The following LIN52 variants were observed in gnomAD, a reference collection of about 807,000 sequenced individuals.
The protein encoded by LIN52 is protein lin-52 homolog.
LIN52 carries 4 observed loss-of-function variants against 18.5 expected under a neutral mutation model. That is an observed-to-expected ratio of 0.22 (90% CI 0.11 to 0.49). The LOEUF is 0.49. LIN52 is among the 20% of genes least tolerant of loss of function. The probability of loss-of-function intolerance (pLI) is 0.97; values close to 1 mark genes in which losing one functional copy is unlikely to be tolerated. For synonymous variants in LIN52, 34 were observed against 45.5 expected (o/e 0.75, Z 1.02); for missense variants, 102 against 139.5 (o/e 0.73, Z 1.35).
intron 5 of LIN52, among the ~76,000 whole-genome samples, chr14:74,162,484 A>C (rs1468902421): frequency 3.3e-5 from 5 of 151,154 alleles, no homozygotes; most frequent in African/African-American, 1.2e-4. Context: ...ACAAAAAAAA[A>C]AAAAAAAAAA....
intron 5 of LIN52, among the ~76,000 whole-genome samples, chr14:74,127,138 G>A (rs1191994430): frequency 6.6e-6 from 1 of 152,160 alleles, no homozygotes; most frequent in Non-Finnish European, 1.5e-5. Flanking sequence ...AGAGTACTAT[G>A]CTAGGCAGCA....
rs1566867484 is a variant in LIN52 at position 74,175,746 on chromosome 14, A to ACCC, written c.284-23175_284-23174insCCC. Among the ~76,000 whole-genome samples the ACCC allele has an allele frequency of 1.3e-3, 135 of 101,144 alleles. 1 individual carries two copies. Among genetic ancestry groups the ACCC allele is most frequent in the Admixed American group, 2.4e-3 (23 of 9,632 alleles). The allele number at this position is 101,144 out of a possible 152,430, so 66.4% of individuals were successfully genotyped here. ...CACACACACACACACACACACACAC[A>ACCC]CACACCCCCATTATACAGCTATACC... On this transcript the variant is annotated intron_variant, in intron 5 of 5. Coordinates refer to ENST00000555028, the MANE Select transcript of LIN52 (RefSeq NM_001024674.3).
intron 5 of LIN52, among the ~76,000 whole-genome samples, chr14:74,178,774 C>A (rs974801359): frequency 6.6e-6 from 1 of 151,642 alleles, no homozygotes; most frequent in Non-Finnish European, 1.5e-5. Flanking sequence ...TTTTGTAGTT[C>A]TTCTACCTTC....
At chr14:74,122,002 T>C (rs1370250230) in intron 5 of LIN52, among the ~76,000 whole-genome samples, 2 of 140,288 alleles carry the variant, frequency 1.4e-5, no homozygotes, top group Non-Finnish European at 3.0e-5. Flanking sequence ...GTAACAATAT[T>C]CTCATATTCC....
intron 5 of LIN52, among the ~76,000 whole-genome samples, chr14:74,193,678 G>C (rs375400648): frequency 9.2e-5 from 14 of 152,290 alleles, no homozygotes; most frequent in African/African-American, 3.1e-4. Context: ...TTGAATGCCT[G>C]TGTGACTTTG....
intron 5 of LIN52, among the ~76,000 whole-genome samples, chr14:74,105,623 T>C (rs535418548): frequency 1.1e-4 from 17 of 152,056 alleles, no homozygotes; most frequent in Admixed American, 2.0e-4. Context: ...ACTCTAGGGG[T>C]TGGCTTTTAC....
In LIN52 at chr14:74,105,609, A is replaced by ATCTAC. The variant is rs756271721; in HGVS notation, c.283+4376_283+4380dup. Among the ~76,000 whole-genome samples the ATCTAC allele has an allele frequency of 8.6e-5, 13 of 150,546 alleles. No individual in the cohort carries two copies. In the East Asian group the frequency reaches 2.3e-3, roughly 27 times the overall value. On this transcript the variant is annotated intron_variant, in intron 5 of 5. Coordinates refer to ENST00000555028, the MANE Select transcript of LIN52 (RefSeq NM_001024674.3). Reference sequence around the variant, plus strand: ...TTTTTTTTGTCCTTACAGATTATTCATCTACTCTAGGGGTTGGCTTTTACT... The same window carrying ATCTAC: ...TTTTTTTTGTCCTTACAGATTATTCATCTACTCTACTCTAGGGGTTGGCTTTTACT...
intron 5 of LIN52, among the ~76,000 whole-genome samples, chr14:74,165,894 A>AT (rs200429693): frequency 0.04 from 5,711 of 141,654 alleles, 353 homozygotes; most frequent in African/African-American, 0.13. Flanking sequence ...TATTTCACCA[A>AT]TTTTTTTTTT....
intron 5 of LIN52, among the ~76,000 whole-genome samples, chr14:74,108,915 A>C (rs147087888): frequency 9.2e-4 from 140 of 152,246 alleles, no homozygotes; most frequent in African/African-American, 3.2e-3. Flanking sequence ...TTTTGATGAA[A>C]TCCAATTTAT....
intron 5 of LIN52, among the ~76,000 whole-genome samples, chr14:74,190,117 TATAAA>T (rs1440299312): frequency 6.6e-6 from 1 of 152,068 alleles, no homozygotes; most frequent in Non-Finnish European, 1.5e-5. Context: ...AAATTAAAGT[TATAAA>T]GTAAAATAAA....
chr14:74,111,408 C>A (rs4365231), intron 5 of LIN52, among the ~76,000 whole-genome samples: 16,873 of 151,716 alleles, frequency 0.11, 1,233 homozygotes, highest in Admixed American at 0.19. Context: ...CCCAGCCCAG[C>A]CTCTCGAGTA....
At chr14:74,093,787 G>A (rs915150992) in intron 2 of LIN52, among the ~76,000 whole-genome samples, 1 of 152,146 alleles carries the variant, frequency 6.6e-6, no homozygotes, top group African/African-American at 2.4e-5. Context: ...CTAACATGGC[G>A]AAACCCCGTT....
At chr14:74,161,830 C>A (rs117790708) in intron 5 of LIN52, among the ~76,000 whole-genome samples, 2 of 152,224 alleles carry the variant, frequency 1.3e-5, no homozygotes, top group Non-Finnish European at 2.9e-5. Flanking sequence ...ACCTGCTTGT[C>A]GCTGCACAGA....
intron 5 of LIN52, among the ~76,000 whole-genome samples, chr14:74,129,359 A>C (rs986919472): frequency 3.3e-5 from 5 of 152,198 alleles, no homozygotes; most frequent in Non-Finnish European, 7.3e-5. Context: ...TGAATCAAAT[A>C]TAAGTAAGGT....
At chr14:74,102,002 T>C (rs1242514754) in intron 5 of LIN52, among the ~76,000 whole-genome samples, 1 of 152,050 alleles carries the variant, frequency 6.6e-6, no homozygotes. Context: ...CTTGAACTCT[T>C]GGGTTTAAGT....
chr14:74,154,841 G>T (rs563089086), intron 5 of LIN52, among the ~76,000 whole-genome samples: 1 of 152,080 alleles, frequency 6.6e-6, no homozygotes, highest in African/African-American at 2.4e-5. Context: ...TTTGTGTTCC[G>T]GCCTGGTGTT....
At chr14:74,166,807 T>C (rs980113694) in intron 5 of LIN52, among the ~76,000 whole-genome samples, 2 of 152,196 alleles carry the variant, frequency 1.3e-5, no homozygotes, top group African/African-American at 4.8e-5. Context: ...CTATGCCAAT[T>C]TTCATTATTA....
chr14:74,091,305 A>G lies in LIN52; in HGVS notation c.93A>G (p.Gln31=). ...CCTCACCAGATCTTTGGCCAGAACAATGTAAGTTTTTGCCTTCTTTATATC... is the reference window on the plus strand; with the variant it reads ...CCTCACCAGATCTTTGGCCAGAACAGTGTAAGTTTTTGCCTTCTTTATATC... ...DRASPDLWPE[Q]LPGVAEFAAS... The change falls in exon 2 of 6, where the codon CAA becomes CAG. Residue 31 remains glutamine, a splice_region_variant and synonymous_variant. Transcript: ENST00000555028. The G allele has an allele frequency of 6.2e-7, 1 of 1,603,752 alleles. No homozygotes were observed. The highest frequency in any genetic ancestry group is 8.5e-7 in the Non-Finnish European group (1 of 1,171,878).
chr14:74,182,565 A>G (rs534074310), intron 5 of LIN52, among the ~76,000 whole-genome samples: 2 of 131,762 alleles, frequency 1.5e-5, no homozygotes, highest in East Asian at 4.3e-4. Flanking sequence ...GATCGCAGTA[A>G]AATTGGATTA....
Sources: allele counts gnomAD v4.1 joint callset (sites outside exome capture counted in the v4.1 genomes callset), GRCh38; gene constraint gnomAD v4.1.1; transcripts MANE v1.5; gene names NCBI Gene and HGNC (gene_info 2026-07-23, HGNC 2026-07-21).